EEIG1: variants seen among roughly 807,000 people sequenced by gnomAD.
The protein encoded by EEIG1 is estrogen-induced osteoclastogenesis regulator 1, also known as early estrogen-induced gene 1 protein.
the EEIG1 span, among the ~76,000 whole-genome samples, chr9:127,951,149 A>G: frequency 6.6e-6 from 1 of 152,118 alleles, no homozygotes; most frequent in African/African-American, 2.4e-5. Context: ...TGCGCTAAGA[A>G]GGCCCTGTGG....
chr9:127,949,506 C>A, the EEIG1 span, among the ~76,000 whole-genome samples: 1 of 152,102 alleles, frequency 6.6e-6, no homozygotes, highest in Admixed American at 6.5e-5. Flanking sequence ...GGCTACCTGG[C>A]CCCCAGGCTC....
chr9:127,943,241 C>A, the EEIG1 span: 1 of 1,613,984 alleles, frequency 6.2e-7, no homozygotes, highest in Non-Finnish European at 8.5e-7. Context: ...AGAGACCCTG[C>A]AGGTGAGAGA....
the EEIG1 span, chr9:127,945,813 T>A: frequency 8.3e-7 from 1 of 1,202,890 alleles, no homozygotes; most frequent in Non-Finnish European, 1.2e-6. This position sits in a 1 kb window ranked among gnomAD's most constrained non-coding sequence, Gnocchi z 6.5. Flanking sequence ...CTGCTCACTG[T>A]CGCCCTTCAC....
At chr9:127,950,079 G>C in the EEIG1 span, among the ~76,000 whole-genome samples, 2 of 152,206 alleles carry the variant, frequency 1.3e-5, no homozygotes, top group Admixed American at 1.3e-4. Flanking sequence ...ATTTGAAGCT[G>C]GGACTAATCA....
chr9:127,952,700 C>T, the EEIG1 span, among the ~76,000 whole-genome samples: 3 of 152,134 alleles, frequency 2.0e-5, no homozygotes, highest in Non-Finnish European at 4.4e-5. Context: ...AAAAACCAAG[C>T]TGCAAATCTG....
chr9:127,951,659 C>CA, the EEIG1 span, among the ~76,000 whole-genome samples: 1 of 151,210 alleles, frequency 6.6e-6, no homozygotes, highest in Non-Finnish European at 1.5e-5. Flanking sequence ...ACTAAAAATA[C>CA]AAAAAAAATT....
chr9:127,964,004 A>T, the EEIG1 span, among the ~76,000 whole-genome samples: 5 of 152,096 alleles, frequency 3.3e-5, no homozygotes, highest in African/African-American at 1.2e-4. Context: ...CTGGGTGAAG[A>T]CCTGGGGGGA....
At chr9:127,977,980 C>T in the EEIG1 span, among the ~76,000 whole-genome samples, 1 of 152,156 alleles carries the variant, frequency 6.6e-6, no homozygotes, top group African/African-American at 2.4e-5. Context: ...CAGTGAGTAG[C>T]CAACTCCAGG....
the EEIG1 span, chr9:127,944,962 C>T: frequency 1.6e-4 from 245 of 1,562,898 alleles, no homozygotes; most frequent in Middle Eastern, 5.1e-4. Flanking sequence ...AAGCACAGAA[C>T]GACGACAATA....
the EEIG1 span, among the ~76,000 whole-genome samples, chr9:127,947,535 A>G: frequency 6.6e-6 from 1 of 152,166 alleles, no homozygotes; most frequent in African/African-American, 2.4e-5. Flanking sequence ...CCTGGGATGT[A>G]ATTGCTATTA....
the EEIG1 span, among the ~76,000 whole-genome samples, chr9:127,973,305 C>G: frequency 2.0e-5 from 3 of 152,148 alleles, no homozygotes; most frequent in African/African-American, 7.2e-5. This position sits in a 1 kb window ranked among gnomAD's most constrained non-coding sequence, Gnocchi z 4.2. Context: ...CAAGTCAGGA[C>G]TCCCAGGTAC....
the EEIG1 span, among the ~76,000 whole-genome samples, chr9:127,974,066 C>T: frequency 6.6e-6 from 1 of 152,148 alleles, no homozygotes; most frequent in African/African-American, 2.4e-5. Context: ...TACATTTGGC[C>T]ACTGTGCCCC....
the EEIG1 span, chr9:127,980,268 G>A: frequency 9.8e-4 from 1,052 of 1,077,286 alleles, 7 homozygotes; most frequent in African/African-American, 0.014. Flanking sequence ...CGGAGACGGC[G>A]GAGATCGGAG....
At chr9:127,963,189 T>C in the EEIG1 span, among the ~76,000 whole-genome samples, 3 of 152,210 alleles carry the variant, frequency 2.0e-5, no homozygotes, top group African/African-American at 7.2e-5. Context: ...GAAATTTAAA[T>C]TGAAAATGAG....
the EEIG1 span, chr9:127,944,993 C>A: frequency 7.0e-7 from 1 of 1,432,806 alleles, no homozygotes. Flanking sequence ...GCCGCAGCGG[C>A]GCTCAGAATG....
At chr9:127,949,382 A>C in the EEIG1 span, among the ~76,000 whole-genome samples, 2 of 151,488 alleles carry the variant, frequency 1.3e-5, no homozygotes, top group African/African-American at 4.8e-5. Flanking sequence ...TCACTCGGCC[A>C]TGAAAGCATC....
At chr9:127,948,420 G>C in the EEIG1 span, 1 of 1,614,014 alleles carries the variant, frequency 6.2e-7, no homozygotes, top group South Asian at 1.1e-5. Context: ...GTGACCTGTG[G>C]CGAGGGGAGC....
chr9:127,950,504 C>G, the EEIG1 span: 65 of 1,613,962 alleles, frequency 4.0e-5, no homozygotes, highest in Non-Finnish European at 5.1e-5. Flanking sequence ...AGCCCGAGCC[C>G]GCAAACTCGG....
the EEIG1 span, chr9:127,950,307 A>T: frequency 9.8e-7 from 1 of 1,022,196 alleles, no homozygotes; most frequent in Non-Finnish European, 1.5e-6. Flanking sequence ...CCCGATGTCT[A>T]CCTATTCAGG....
Sources: gnomAD v4.1 joint callset for allele counts (sites outside exome capture counted in the v4.1 genomes callset) on GRCh38, gnomAD v4.1.1 for gene constraint, Gnocchi (gnomAD v3.1) non-coding constraint, MANE v1.5 for transcripts, NCBI Gene and HGNC (gene_info 2026-07-23, HGNC 2026-07-21) for gene names.